Variants in SNX29 observed in about 807,000 individuals in gnomAD.
SNX29 encodes sorting nexin 29.
A neutral mutation model predicts 102.1 loss-of-function variants in SNX29; 78 were observed. That is an observed-to-expected ratio of 0.76 (90% CI 0.64 to 0.92). SNX29 has a LOEUF of 0.92. Among genes scored for constraint, SNX29 ranks in the 40% least tolerant of loss-of-function variants. The pLI is 0.00. For missense variants in SNX29, 1,280 were observed against 1,061.7 expected (o/e 1.21, Z -2.86); for synonymous variants, 580 against 414.5 (o/e 1.40, Z -4.85).
In SNX29 at chr16:12,555,943, C is replaced by G. The variant is rs184908499; in HGVS notation, c.2319-12563C>G. ...CGTATGGTGTCAGGTCTGTTTACAT[C>G]ACACCAACTTGTAACACCATCTGCG... On this transcript the variant is annotated intron_variant, in intron 20 of 20. Coordinates refer to ENST00000566228, the MANE Select transcript of SNX29 (RefSeq NM_032167.5). Among the ~76,000 whole-genome samples, 165 of 152,286 alleles carry G rather than the reference C, an allele frequency of 1.1e-3. 2 individuals carry two copies. The highest frequency in any genetic ancestry group is 2.4e-3 in the Admixed American group (36 of 15,304).
intron 15 of SNX29, among the ~76,000 whole-genome samples, chr16:12,295,150 G>A (rs1263856523): frequency 6.6e-6 from 1 of 152,152 alleles, no homozygotes; most frequent in Non-Finnish European, 1.5e-5. Flanking sequence ...GGAATTATGG[G>A]AGCTACAAGT....
chr16:12,567,684 C>G (rs573470747), intron 20 of SNX29, among the ~76,000 whole-genome samples: 1 of 152,130 alleles, frequency 6.6e-6, no homozygotes, highest in Non-Finnish European at 1.5e-5. Flanking sequence ...ATCACTTGAG[C>G]CCAGGAGATC....
intron 20 of SNX29, among the ~76,000 whole-genome samples, chr16:12,566,352 G>A (rs1430165249): frequency 1.3e-5 from 2 of 152,112 alleles, no homozygotes; most frequent in African/African-American, 2.4e-5. Context: ...CCCACCGACT[G>A]CTACCTCTCC....
At chr16:12,030,900 T>A (rs1352205622) in intron 4 of SNX29, among the ~76,000 whole-genome samples, 2 of 152,134 alleles carry the variant, frequency 1.3e-5, no homozygotes, top group Non-Finnish European at 2.9e-5. Flanking sequence ...AAATAAATGA[T>A]GGCCTGAGTC....
At chr16:12,045,610 A>ATATTATCATTATTAT (rs2050054560) in intron 5 of SNX29, among the ~76,000 whole-genome samples, 20 of 127,294 alleles carry the variant, frequency 1.6e-4, no homozygotes, top group Non-Finnish European at 3.0e-4. Context: ...GGCAGGCATT[A>ATATTATCATTATTAT]TATTATTATT....
intron 15 of SNX29, among the ~76,000 whole-genome samples, chr16:12,331,389 C>T (rs1323871730): frequency 6.6e-6 from 1 of 152,176 alleles, no homozygotes; most frequent in Non-Finnish European, 1.5e-5. Context: ...TCATTTTTAC[C>T]TGGTCTTATT....
At chr16:12,415,199 G>A (rs560824703) in intron 18 of SNX29, among the ~76,000 whole-genome samples, 1 of 152,356 alleles carries the variant, frequency 6.6e-6, no homozygotes, top group South Asian at 2.1e-4. Flanking sequence ...GGCAGTGAGT[G>A]GGCCACTGTC....
At chr16:12,258,337 T>C (rs1418807642) in intron 14 of SNX29, among the ~76,000 whole-genome samples, 3 of 152,122 alleles carry the variant, frequency 2.0e-5, no homozygotes, top group African/African-American at 7.2e-5. Flanking sequence ...CGTTCCCATG[T>C]CATCGCACTT....
At chr16:12,247,483 CA>C (rs1413265016) in intron 14 of SNX29, among the ~76,000 whole-genome samples, 2 of 152,134 alleles carry the variant, frequency 1.3e-5, no homozygotes. Flanking sequence ...GCTCCTCTTC[CA>C]GATGATGTAA....
At chr16:12,459,106 A>G in intron 18 of SNX29, among the ~76,000 whole-genome samples, 1 of 47,044 alleles carries the variant, frequency 2.1e-5, no homozygotes, top group East Asian at 8.2e-4. Context: ...CCACCGTTTC[A>G]CTCTCCCCTC....
intron 15 of SNX29, among the ~76,000 whole-genome samples, chr16:12,327,204 CA>C (rs2151197738): frequency 6.6e-6 from 1 of 152,224 alleles, no homozygotes; most frequent in South Asian, 2.1e-4. Flanking sequence ...TGGTCAGTAT[CA>C]GTGAAATCGC....
intron 20 of SNX29, among the ~76,000 whole-genome samples, chr16:12,531,092 T>G (rs1278513251): frequency 6.6e-6 from 1 of 152,236 alleles, no homozygotes; most frequent in African/African-American, 2.4e-5. Context: ...GCATTTTAAA[T>G]TTTTCCTGAC....
intron 20 of SNX29, among the ~76,000 whole-genome samples, chr16:12,534,015 A>G (rs2077001366): frequency 6.6e-6 from 1 of 152,240 alleles, no homozygotes; most frequent in South Asian, 2.1e-4. Flanking sequence ...TTCCAGGGCA[A>G]AAGGGGACTT....
At chr16:12,297,725 A>G (rs966808078) in intron 15 of SNX29, among the ~76,000 whole-genome samples, 1 of 152,052 alleles carries the variant, frequency 6.6e-6, no homozygotes, top group Non-Finnish European at 1.5e-5. Flanking sequence ...TTTATTTGTC[A>G]TTTGCACCTC....
intron 15 of SNX29, among the ~76,000 whole-genome samples, chr16:12,345,134 AAC>A (rs2090821336): frequency 6.6e-6 from 1 of 152,204 alleles, no homozygotes; most frequent in Admixed American, 6.5e-5. Context: ...GATCTCCAGT[AAC>A]ACACGTGGAG....
chr16:12,415,735 C>G (rs190804734), intron 18 of SNX29, among the ~76,000 whole-genome samples: 1 of 152,140 alleles, frequency 6.6e-6, no homozygotes, highest in Non-Finnish European at 1.5e-5. Context: ...TCCTCCCCAG[C>G]GGGTCTCCAT....
intron 11 of SNX29, among the ~76,000 whole-genome samples, chr16:12,124,848 G>C (rs1483592614): frequency 6.6e-6 from 1 of 152,216 alleles, no homozygotes; most frequent in African/African-American, 2.4e-5. Context: ...CCAATGTTGA[G>C]ATGGATGGTT....
intron 11 of SNX29, among the ~76,000 whole-genome samples, chr16:12,107,593 G>C (rs1312521485): frequency 1.3e-5 from 2 of 152,020 alleles, no homozygotes; most frequent in African/African-American, 4.8e-5. Context: ...GCTGAGATGC[G>C]TTCCTTCATT....
intron 11 of SNX29, among the ~76,000 whole-genome samples, chr16:12,105,438 C>T (rs914570587): frequency 1.3e-5 from 2 of 151,916 alleles, no homozygotes; most frequent in African/African-American, 4.8e-5. Context: ...ACCATGTTGG[C>T]CAGGTAAAAA....
Sources: allele counts gnomAD v4.1 joint callset (sites outside exome capture counted in the v4.1 genomes callset), GRCh38; gene constraint gnomAD v4.1.1; transcripts MANE v1.5; gene names NCBI Gene and HGNC (gene_info 2026-07-23, HGNC 2026-07-21).